The following FXR1 variants were observed in gnomAD, a reference collection of about 807,000 sequenced individuals.
FXR1 encodes the protein RNA-binding protein FXR1.
FXR1 carries 15 observed loss-of-function variants against 84.0 expected under a neutral mutation model. The ratio of observed to expected loss-of-function variants is 0.18; its 90% CI spans 0.12 to 0.27. The LOEUF is 0.27. Ranked by LOEUF, FXR1 falls within the 10% of genes least tolerant of loss-of-function variation. The pLI is 1.00. For missense variants in FXR1, 480 were observed against 774.4 expected (o/e 0.62, Z 4.51); for synonymous variants, 245 against 250.7 (o/e 0.98, Z 0.21).
In FXR1 at chr3:180,979,431, A is replaced by T. The variant is rs898978534; in HGVS notation, c.*3139A>T. 6.6e-6 allele frequency: 1 copy of T among 152,134 alleles called. No homozygotes were observed. Among genetic ancestry groups the T allele is most frequent in the African/African-American group, 2.4e-5 (1 of 41,454 alleles). 9.4% of individuals were successfully genotyped at this position (152,134 alleles called of 1,614,324 possible). On this transcript the variant is annotated 3_prime_UTR_variant, in exon 17 of 17. Transcript: ENST00000357559. Reference sequence around the variant, plus strand: ...TGTGAATCTACTGTTTTGGCAAAAAATCTCAAAGAAAAGGATGTTTGTTAC... The same window carrying T: ...TGTGAATCTACTGTTTTGGCAAAAATTCTCAAAGAAAAGGATGTTTGTTAC...
rs765066164 is a variant in FXR1, at chr3:180,942,377, CAAAAAAAAAA to C, written c.199-5469_199-5460del. 2.6e-3 allele frequency among the ~76,000 whole-genome samples: 82 copies of C among 31,124 alleles called. 1 individual carries two copies. Among genetic ancestry groups the C allele is most frequent in the African/African-American group, 8.0e-3 (70 of 8,704 alleles). 20.4% of individuals were successfully genotyped at this position (31,124 alleles called of 152,430 possible). On this transcript the variant is annotated intron_variant, in intron 3 of 16. Transcript: ENST00000357559. ...TGGGCGACAGAGCGAGACTCCGTCT[CAAAAAAAAAA>C]AAAAAAAAAAAAAAAAAAGGCATAG...
At position 180,968,041 on chromosome 3, in the gene FXR1, C is replaced by T. The variant is rs2108490769; in HGVS notation, c.1199-10C>T. The T allele has an allele frequency of 6.3e-7, 1 of 1,579,824 alleles. No individual in the cohort carries two copies. Among genetic ancestry groups the T allele is most frequent in the South Asian group, 1.1e-5 (1 of 90,296 alleles). On this transcript the variant is annotated splice_polypyrimidine_tract_variant and intron_variant, in intron 13 of 16. Coordinates refer to ENST00000357559, the MANE Select transcript of FXR1 (RefSeq NM_005087.4). ...AAATCTAAGTGGTTTATGTTCTTTT[C>T]TTTTCCAAGGTACAAATTCTGAGCT...
chr3:180,943,108 A>G lies in FXR1; in HGVS notation c.199-4757A>G, dbSNP rs539098032. 6.6e-5 allele frequency among the ~76,000 whole-genome samples: 10 copies of G among 151,886 alleles called. No individual in the cohort carries two copies. The East Asian group carries it at 1.9e-3, about 30-fold the overall frequency. ...CAGCCTCCTGAGTAGCTGGGATTAC[A>G]GGCACTCGCCACCATGCCCGGCTAA... On this transcript the variant is annotated intron_variant, in intron 3 of 16. Transcript: ENST00000357559.
At chr3:180,923,439 T>C (rs1259339173) in intron 1 of FXR1, among the ~76,000 whole-genome samples, 8 of 152,226 alleles carry the variant, frequency 5.3e-5, no homozygotes, top group Admixed American at 3.3e-4. Context: ...TCTCTTGTTA[T>C]ACACAGTAAG....
At chr3:180,922,980 AT>A (rs940427561) in intron 1 of FXR1, among the ~76,000 whole-genome samples, 5 of 150,252 alleles carry the variant, frequency 3.3e-5, no homozygotes, top group East Asian at 1.9e-4. Flanking sequence ...TTTTAACATA[AT>A]TTTTTTTTTC....
chr3:180,951,522 G>T, intron 8 of FXR1, 54 bp downstream of exon 8: 1 of 1,243,528 alleles, frequency 8.0e-7, no homozygotes, highest in Non-Finnish European at 1.1e-6. Context: ...TCTATTGTTT[G>T]ATTATATTTT....
chr3:180,949,849 G>A (rs1326761887), intron 7 of FXR1, among the ~76,000 whole-genome samples: 1 of 152,194 alleles, frequency 6.6e-6, no homozygotes, highest in African/African-American at 2.4e-5. Flanking sequence ...CTTGTTGGTA[G>A]GACTTAGATG....
At chr3:180,948,306 T>G (rs1364794728) in intron 4 of FXR1, 41 bp from the exon 5 acceptor site, 2 of 1,434,570 alleles carry the variant, frequency 1.4e-6, no homozygotes, top group Non-Finnish European at 1.9e-6. Flanking sequence ...TTCATTATTT[T>G]TGTTCAGATG....
intron 13 of FXR1, among the ~76,000 whole-genome samples, chr3:180,964,858 G>C (rs1712614180): frequency 6.6e-6 from 1 of 151,490 alleles, no homozygotes; most frequent in African/African-American, 2.4e-5. Context: ...AAAATTGATG[G>C]CCTCTTGGAG....
At chr3:180,933,934 A>T (rs1050551508) in intron 2 of FXR1, among the ~76,000 whole-genome samples, 2 of 152,018 alleles carry the variant, frequency 1.3e-5, no homozygotes, top group African/African-American at 2.4e-5. Flanking sequence ...ACATGGTGAA[A>T]CCCTGTCTCT....
intron 9 of FXR1, among the ~76,000 whole-genome samples, chr3:180,956,981 C>T (rs1722803394): frequency 6.6e-6 from 1 of 152,176 alleles, no homozygotes; most frequent in Non-Finnish European, 1.5e-5. Flanking sequence ...TATGCTGTCG[C>T]TGTTCACTGT....
At chr3:180,929,455 T>G (rs1576911595) in intron 1 of FXR1, among the ~76,000 whole-genome samples, 1 of 152,336 alleles carries the variant, frequency 6.6e-6, no homozygotes, top group East Asian at 1.9e-4. Context: ...TTAATAAGGA[T>G]GCCTTGAAAT....
intron 1 of FXR1, among the ~76,000 whole-genome samples, chr3:180,931,795 C>T (rs1251737710): frequency 1.5e-5 from 2 of 131,880 alleles, no homozygotes; most frequent in Non-Finnish European, 3.1e-5. Flanking sequence ...GGCTGGAGTG[C>T]AGCAGCATGG....
chr3:180,956,086 G>C (rs544404597), intron 9 of FXR1, among the ~76,000 whole-genome samples: 55 of 152,226 alleles, frequency 3.6e-4, no homozygotes, highest in African/African-American at 1.3e-3. Context: ...CCAAATGAAA[G>C]AAAAAGAGAA....
intron 3 of FXR1, among the ~76,000 whole-genome samples, chr3:180,939,825 A>G (rs1364218579): frequency 6.6e-6 from 1 of 152,210 alleles, no homozygotes; most frequent in Non-Finnish European, 1.5e-5. Flanking sequence ...AAGGAAAGAA[A>G]AGGTGACTTT....
At chr3:180,973,610 T>C (rs1220843866) in intron 15 of FXR1, among the ~76,000 whole-genome samples, 1 of 152,230 alleles carries the variant, frequency 6.6e-6, no homozygotes, top group African/African-American at 2.4e-5. Flanking sequence ...GTAAACTCTT[T>C]TTAATGTAGT....
At chr3:180,915,904 TA>T (rs1392931573) in intron 1 of FXR1, among the ~76,000 whole-genome samples, 8 of 152,226 alleles carry the variant, frequency 5.3e-5, no homozygotes, top group Non-Finnish European at 1.2e-4. Flanking sequence ...GGTGGCATGC[TA>T]AATACATTGT....
intron 7 of FXR1, among the ~76,000 whole-genome samples, chr3:180,950,612 A>G (rs1049340009): frequency 6.6e-6 from 1 of 152,144 alleles, no homozygotes; most frequent in Non-Finnish European, 1.5e-5. Flanking sequence ...TAAAACTGCA[A>G]ATCTATACCC....
intron 7 of FXR1, among the ~76,000 whole-genome samples, chr3:180,950,881 T>C (rs924148359): frequency 6.6e-6 from 1 of 152,146 alleles, no homozygotes; most frequent in Non-Finnish European, 1.5e-5. Flanking sequence ...TTCACCTCTT[T>C]ACTGTCGTAA....
Sources: allele counts gnomAD v4.1 joint callset (sites outside exome capture counted in the v4.1 genomes callset), GRCh38; gene constraint gnomAD v4.1.1; transcripts MANE v1.5; gene names NCBI Gene and HGNC (gene_info 2026-07-23, HGNC 2026-07-21).